SOX6: variants seen among roughly 807,000 people sequenced by gnomAD.
SOX6 encodes the protein SRY-box transcription factor 6, also known as transcription factor SOX-6.
SOX6 carries 11 observed loss-of-function variants against 97.8 expected under a neutral mutation model. The observed-to-expected ratio is 0.11, with a 90% CI of 0.07 to 0.19. SOX6 has a LOEUF of 0.19. Ranked by LOEUF, SOX6 falls within the 10% of genes least tolerant of loss-of-function variation. SOX6 has a pLI of 1.00. For missense variants in SOX6, 810 were observed against 1,039.5 expected, an observed-to-expected ratio of 0.78 and a Z score of 3.04; for synonymous variants, 360 against 371.4, an observed-to-expected ratio of 0.97 and a Z score of 0.35.
chr11:15,974,978 C>G (rs918097554), intron 15 of SOX6, among the ~76,000 whole-genome samples: 1 of 152,140 alleles, frequency 6.6e-6, no homozygotes, highest in African/African-American at 2.4e-5. Flanking sequence ...AAGCCATTGG[C>G]TGACTTGAAT....
intron 4 of SOX6, chr11:16,611,961 C>G (rs1050172795): frequency 6.6e-6 from 1 of 152,536 alleles, no homozygotes; most frequent in Admixed American, 6.5e-5. Flanking sequence ...TACAGACATG[C>G]CTTTCCTAGC....
intron 12 of SOX6, among the ~76,000 whole-genome samples, chr11:16,027,709 C>CAA (rs1202343871): frequency 6.6e-6 from 1 of 152,172 alleles, no homozygotes; most frequent in Non-Finnish European, 1.5e-5. Context: ...TGGAATGTCT[C>CAA]AAGTCAGCAA....
chr11:16,138,867 A>T (rs1219815653), intron 6 of SOX6, among the ~76,000 whole-genome samples: 2 of 152,290 alleles, frequency 1.3e-5, no homozygotes, highest in Non-Finnish European at 2.9e-5. Flanking sequence ...TTGTCCCTAC[A>T]AAGGACATGA....
In SOX6 at chr11:16,415,640, G is replaced by A. The variant is rs571740515; in HGVS notation, c.-5+60675C>T. ...TACCCTGATTTGATCATTACATATT[G>A]TATACCGATATTGAAATATCACTCT... On this transcript the variant is annotated intron_variant, in intron 1 of 15. Transcript: ENST00000396356. Among the ~76,000 whole-genome samples the A allele has an allele frequency of 3.3e-5, 5 of 152,168 alleles. No homozygotes were observed. The South Asian group carries it at 1.0e-3, about 32-fold the overall frequency.
At chr11:16,520,974 G>T (rs998620439) in intron 4 of SOX6, among the ~76,000 whole-genome samples, 38 of 152,300 alleles carry the variant, frequency 2.5e-4, no homozygotes, top group Admixed American at 8.5e-4. Context: ...CAAAGCAGCC[G>T]GGAAGCTCGA....
chr11:16,075,980 T>C (rs1037029130), intron 9 of SOX6, among the ~76,000 whole-genome samples: 1 of 152,066 alleles, frequency 6.6e-6, no homozygotes, highest in African/African-American at 2.4e-5. Flanking sequence ...GTCCCTCCCA[T>C]GACATGTGGG....
At chr11:16,160,094 C>T (rs1398568055) in intron 6 of SOX6, among the ~76,000 whole-genome samples, 2 of 152,074 alleles carry the variant, frequency 1.3e-5, no homozygotes, top group Non-Finnish European at 2.9e-5. Flanking sequence ...AGATGGGGTT[C>T]TCTAAAAGCT....
At chr11:16,647,243 C>T (rs1049649117) in intron 3 of SOX6, among the ~76,000 whole-genome samples, 1 of 152,062 alleles carries the variant, frequency 6.6e-6, no homozygotes, top group Non-Finnish European at 1.5e-5. Flanking sequence ...GTTTTATCCT[C>T]CTTTCCTATC....
intron 3 of SOX6, among the ~76,000 whole-genome samples, chr11:16,297,402 A>G (rs1855127390): frequency 6.6e-6 from 1 of 152,186 alleles, no homozygotes; most frequent in African/African-American, 2.4e-5. Flanking sequence ...AATATTTTTA[A>G]GCAGTCAGCA....
intron 3 of SOX6, among the ~76,000 whole-genome samples, chr11:16,302,566 CTTTTTTTTTT>C (rs71044096): frequency 6.9e-5 from 6 of 87,000 alleles, no homozygotes; most frequent in Middle Eastern, 0.013. Flanking sequence ...TTCTTTTTTT[CTTTTTTTTTT>C]TTTTTTTTTT....
intron 6 of SOX6, among the ~76,000 whole-genome samples, chr11:16,167,049 A>T (rs1414896106): frequency 1.3e-5 from 2 of 152,150 alleles, no homozygotes; most frequent in Non-Finnish European, 2.9e-5. Context: ...TCTGAATTCC[A>T]GTCATGTATG....
At chr11:16,165,388 G>A (rs1299765033) in intron 6 of SOX6, among the ~76,000 whole-genome samples, 3 of 152,170 alleles carry the variant, frequency 2.0e-5, no homozygotes, top group African/African-American at 7.2e-5. Flanking sequence ...GGACTTAAAT[G>A]TTTAAAGAAT....
chr11:16,336,748 G>A (rs1856472478), intron 2 of SOX6, among the ~76,000 whole-genome samples: 1 of 152,084 alleles, frequency 6.6e-6, no homozygotes, highest in Non-Finnish European at 1.5e-5. Flanking sequence ...TAATCTGTCA[G>A]CCTCCCTGAT....
intron 3 of SOX6, among the ~76,000 whole-genome samples, chr11:16,642,407 T>C (rs1848932533): frequency 6.6e-6 from 1 of 152,190 alleles, no homozygotes; most frequent in Non-Finnish European, 1.5e-5. Context: ...GGAGTTGCTC[T>C]TCTTGAGGAG....
intron 3 of SOX6, among the ~76,000 whole-genome samples, chr11:16,267,236 CAATT>C (rs1854107518): frequency 2.0e-5 from 3 of 150,898 alleles, no homozygotes; most frequent in African/African-American, 7.3e-5. Context: ...ACAAATGAAA[CAATT>C]AACAGAGTGA....
chr11:16,658,919 G>T (rs1162484820), intron 3 of SOX6, among the ~76,000 whole-genome samples: 6 of 148,830 alleles, frequency 4.0e-5, no homozygotes, highest in Admixed American at 4.0e-4. Flanking sequence ...TTTAAAAAAA[G>T]AAGTTCTTTA....
At chr11:16,492,557 T>C (rs1449538319) in intron 4 of SOX6, among the ~76,000 whole-genome samples, 1 of 152,200 alleles carries the variant, frequency 6.6e-6, no homozygotes, top group Non-Finnish European at 1.5e-5. Context: ...TCAGAGGTTC[T>C]AAAAGAATCC....
chr11:16,338,956 A>C (rs982994242), intron 2 of SOX6, among the ~76,000 whole-genome samples: 55 of 152,104 alleles, frequency 3.6e-4, no homozygotes, highest in Admixed American at 3.5e-3. Flanking sequence ...GTTCTCAAAG[A>C]AATAAAATTT....
chr11:16,164,436 T>C (rs1850831164), intron 6 of SOX6, among the ~76,000 whole-genome samples: 1 of 152,226 alleles, frequency 6.6e-6, no homozygotes, highest in South Asian at 2.1e-4. Context: ...GTTCAGTTTA[T>C]AATAATTATT....
Sources: allele counts gnomAD v4.1 joint callset (sites outside exome capture counted in the v4.1 genomes callset), GRCh38; gene constraint gnomAD v4.1.1; transcripts MANE v1.5; gene names NCBI Gene and HGNC (gene_info 2026-07-23, HGNC 2026-07-21).